The following AKAP1 variants were observed in gnomAD, a reference collection of about 807,000 sequenced individuals.
AKAP1 encodes the protein A-kinase anchoring protein 1.
In AKAP1, 32 loss-of-function variants were observed where a neutral mutation model predicts 79.8. That is an observed-to-expected ratio of 0.40 (90% CI 0.30 to 0.54). AKAP1 has a LOEUF of 0.54. Ranked by LOEUF, AKAP1 falls within the 20% of genes least tolerant of loss-of-function variation. The probability of loss-of-function intolerance (pLI) is 0.47; values close to 1 mark genes in which losing one functional copy is unlikely to be tolerated. For missense variants in AKAP1, 961 were observed against 1,138.9 expected (o/e 0.84, Z 2.25); for synonymous variants, 416 against 466.7 (o/e 0.89, Z 1.40).
intron 8 of AKAP1, 131 bp from the exon 9 acceptor site, chr17:57,118,250 C>T (rs2144788985): frequency 1.3e-6 from 1 of 792,358 alleles, no homozygotes; most frequent in South Asian, 1.6e-5. Context: ...GGGTGGATCT[C>T]CCCAGTGCAG....
At chr17:57,097,512 G>A (rs776881049) in intron 1 of AKAP1, among the ~76,000 whole-genome samples, 12 of 152,340 alleles carry the variant, frequency 7.9e-5, no homozygotes, top group Admixed American at 2.0e-4. Flanking sequence ...GATTTTCCTC[G>A]ACCAAACTCC....
intron 1 of AKAP1, among the ~76,000 whole-genome samples, chr17:57,088,691 G>A (rs1567894522): frequency 6.6e-6 from 1 of 152,322 alleles, no homozygotes; most frequent in East Asian, 1.9e-4. Context: ...AACATTGTGT[G>A]TGTTATCATT....
intron 2 of AKAP1, 59 bp from the exon 3 acceptor site, chr17:57,109,966 T>C (rs947565396): frequency 7.6e-6 from 12 of 1,584,868 alleles, no homozygotes; most frequent in Non-Finnish European, 8.6e-6. Context: ...AGTTCTTGGT[T>C]ACTGGCTGCT....
At chr17:57,108,228 A>T (rs1033327172) in intron 2 of AKAP1, among the ~76,000 whole-genome samples, 1 of 152,074 alleles carries the variant, frequency 6.6e-6, no homozygotes, top group African/African-American at 2.4e-5. Flanking sequence ...TTTCAGCAGC[A>T]TCTAGTTTGT....
intron 1 of AKAP1, among the ~76,000 whole-genome samples, chr17:57,090,768 G>A (rs1029867427): frequency 1.3e-5 from 2 of 152,146 alleles, no homozygotes; most frequent in Non-Finnish European, 2.9e-5. Context: ...CAACCATCGG[G>A]TGCTTTTGAA....
intron 10 of AKAP1, among the ~76,000 whole-genome samples, chr17:57,119,850 T>TTTTTTTTTTTTTTTTTTTTTTTTTTTC (rs1915818680): frequency 7.2e-6 from 1 of 139,588 alleles, no homozygotes. Flanking sequence ...TTTTTTTTTT[T>TTTTTTTTTTTTTTTTTTTTTTTTTTTC]GAGACAGTCT....
chr17:57,117,406 G>T (rs1187846552), intron 8 of AKAP1, among the ~76,000 whole-genome samples: 1 of 152,174 alleles, frequency 6.6e-6, no homozygotes, highest in African/African-American at 2.4e-5. Context: ...CAGAACATGG[G>T]AATGGTACCT....
chr17:57,107,446 C>T (rs925056486), intron 2 of AKAP1, among the ~76,000 whole-genome samples: 16 of 152,148 alleles, frequency 1.1e-4, no homozygotes, highest in African/African-American at 2.9e-4. Flanking sequence ...AAGGAACTAG[C>T]GCCAAGTTGG....
At chr17:57,111,728 A>G in intron 3 of AKAP1, 70 bp from the exon 4 acceptor site, 1 of 1,575,020 alleles carries the variant, frequency 6.3e-7, no homozygotes, top group Non-Finnish European at 8.7e-7. Flanking sequence ...GTAAAACAGA[A>G]GTAGGTCTTT....
rs1448201065 is a variant in AKAP1 at position 57,116,150 on chromosome 17, G to C, written c.2321G>C (p.Trp774Ser). ...ICAAPGADGAWWRAQVVASYE... is the reference protein window; with the variant it reads ...ICAAPGADGASWRAQVVASYE... ...GCCGCCCCTGGTGCGGACGGGGCCT[G>C]GTGGCGAGCCCAAGTGGTTGCCTCC... The change falls in exon 7 of 11, where the codon TGG becomes TCG. Residue 774 changes from tryptophan (W) to serine (S), a missense_variant. Around this residue, in one of 3 missense-constraint regions of AKAP1, gnomAD observed 629 missense variants for 781.1 expected, o/e 0.81. Coordinates refer to ENST00000337714, the MANE Select transcript of AKAP1 (RefSeq NM_003488.4). The C allele has an allele frequency of 6.2e-7, 1 of 1,613,902 alleles. No homozygotes were observed. Among genetic ancestry groups the C allele is most frequent in the African/African-American group, 1.3e-5 (1 of 74,944 alleles).
rs528204828 is a variant in AKAP1 at position 57,107,213 on chromosome 17, C to T, written c.1714+35C>T. ...TCTCGGGTTCGTTTAGAGGATGGGGCGCTCCCAGTATTTCTTGGAGAAAGG... is the reference window on the plus strand; with the variant it reads ...TCTCGGGTTCGTTTAGAGGATGGGGTGCTCCCAGTATTTCTTGGAGAAAGG... On this transcript the variant is annotated intron_variant, in intron 2 of 10. Transcript: ENST00000337714. 7.1e-6 allele frequency: 11 copies of T among 1,547,658 alleles called. No homozygotes were observed. The East Asian group carries it at 9.1e-5, about 13-fold the overall frequency.
At chr17:57,091,525 A>G (rs1913782481) in intron 1 of AKAP1, among the ~76,000 whole-genome samples, 1 of 152,092 alleles carries the variant, frequency 6.6e-6, no homozygotes, top group Admixed American at 6.6e-5. Context: ...GCAGGGGCCC[A>G]GCCTGCCTCC....
At position 57,116,174 on chromosome 17, in the gene AKAP1, C is replaced by T. The variant is rs1915569849; in HGVS notation, c.2345C>T (p.Ser782Phe). 1.2e-6 allele frequency: 2 copies of T among 1,614,132 alleles called. No homozygotes were observed. Among genetic ancestry groups the T allele is most frequent in the East Asian group, 2.2e-5 (1 of 44,880 alleles). The stretch of plus-strand genomic sequence containing the variant: ...TGGTGGCGAGCCCAAGTGGTTGCCT[C>T]CTACGAGGAGACCAACGAAGTGGAG... Reference protein sequence around the residue: ...GAWWRAQVVASYEETNEVEIR... With the variant: ...GAWWRAQVVAFYEETNEVEIR... The change falls in exon 7 of 11, where the codon TCC becomes TTC. Residue 782 changes from serine (S) to phenylalanine (F), a missense_variant. Ser to Phe is a radical substitution (Grantham distance 155, BLOSUM62 -2). Transcript: ENST00000337714.
chr17:57,110,669 T>C (rs1036271466), intron 3 of AKAP1, among the ~76,000 whole-genome samples: 4 of 152,240 alleles, frequency 2.6e-5, no homozygotes, highest in Admixed American at 1.3e-4. Context: ...CTTCTCATCT[T>C]GCACCCTGTG....
intron 1 of AKAP1, chr17:57,101,688 ATCTC>A (rs1325887319): frequency 1.3e-5 from 2 of 152,120 alleles, no homozygotes; most frequent in Non-Finnish European, 2.9e-5. Flanking sequence ...GAAATTAAAA[ATCTC>A]TCCTCCCAAA....
intron 10 of AKAP1, 149 bp downstream of exon 10, chr17:57,119,193 T>C: frequency 1.2e-6 from 1 of 841,842 alleles, no homozygotes; most frequent in Non-Finnish European, 1.9e-6. Flanking sequence ...GATGTCCTGA[T>C]TGGCAGTGGT....
At position 57,116,857 on chromosome 17, in the gene AKAP1, C is replaced by T. The variant is rs778781367; in HGVS notation, c.2433-3C>T. The T allele has an allele frequency of 1.2e-6, 2 of 1,614,098 alleles. No individual in the cohort carries two copies. Among genetic ancestry groups the T allele is most frequent in the Non-Finnish European group, 1.7e-6 (2 of 1,179,968 alleles). On this transcript the variant is annotated splice_polypyrimidine_tract_variant and splice_region_variant and intron_variant, in intron 7 of 10. Coordinates refer to ENST00000337714, the MANE Select transcript of AKAP1 (RefSeq NM_003488.4). ...TAAACTTGTTCCTTTCTTGCCTTCCCAGGTCTGACTTTGTCACCCTGCCGT... is the reference window on the plus strand; with the variant it reads ...TAAACTTGTTCCTTTCTTGCCTTCCTAGGTCTGACTTTGTCACCCTGCCGT...
chr17:57,104,426 G>A (rs887259683), intron 1 of AKAP1, among the ~76,000 whole-genome samples: 2 of 152,228 alleles, frequency 1.3e-5, no homozygotes, highest in African/African-American at 4.8e-5. Flanking sequence ...TGGTACAGAT[G>A]CTCCTCAGCT....
At chr17:57,105,017 G>A (rs908756051) in intron 1 of AKAP1, among the ~76,000 whole-genome samples, 1 of 152,194 alleles carries the variant, frequency 6.6e-6, no homozygotes, top group Non-Finnish European at 1.5e-5. Flanking sequence ...ATGCACATGT[G>A]GATTCCATGG....
Sources: allele counts gnomAD v4.1 joint callset (sites outside exome capture counted in the v4.1 genomes callset), GRCh38; gene constraint gnomAD v4.1.1; regional missense constraint gnomAD v4.1.1; transcripts MANE v1.5; gene names NCBI Gene and HGNC (gene_info 2026-07-23, HGNC 2026-07-21).